The following GALNTL6 variants were observed in gnomAD, a reference collection of about 807,000 sequenced individuals.
GALNTL6 encodes the protein polypeptide N-acetylgalactosaminyltransferase-like 6.
Under a neutral mutation model 73.7 loss-of-function variants are expected in GALNTL6, and 46 were observed. The ratio of observed to expected loss-of-function variants is 0.62; its 90% CI spans 0.49 to 0.80. The LOEUF is 0.80. Ranked by LOEUF, GALNTL6 falls within the 30% of genes least tolerant of loss-of-function variation. The probability of loss-of-function intolerance (pLI) is 0.00; values close to 1 mark genes in which losing one functional copy is unlikely to be tolerated. For synonymous variants in GALNTL6, 259 were observed against 263.7 expected, an observed-to-expected ratio of 0.98 and a Z score of 0.17; for missense variants, 604 against 755.0, an observed-to-expected ratio of 0.80 and a Z score of 2.34.
intron 5 of GALNTL6, among the ~76,000 whole-genome samples, chr4:172,778,479 T>C (rs1372060994): frequency 2.0e-5 from 3 of 152,172 alleles, no homozygotes; most frequent in Admixed American, 2.0e-4. Flanking sequence ...GACTATAAAT[T>C]GTTTGCATTT....
At chr4:172,461,846 G>A (rs1426955265) in intron 5 of GALNTL6, among the ~76,000 whole-genome samples, 1 of 152,186 alleles carries the variant, frequency 6.6e-6, no homozygotes, top group Non-Finnish European at 1.5e-5. Flanking sequence ...GGGATGCCCA[G>A]ATAGCCAGTA....
chr4:171,960,011 C>CAGAG (rs1739174984), intron 2 of GALNTL6, among the ~76,000 whole-genome samples: 1 of 152,124 alleles, frequency 6.6e-6, no homozygotes. Flanking sequence ...ATTTAGTTGT[C>CAGAG]TAATCACTTC....
intron 5 of GALNTL6, among the ~76,000 whole-genome samples, chr4:172,588,991 C>T (rs1335780495): frequency 2.0e-5 from 3 of 152,136 alleles, no homozygotes; most frequent in Non-Finnish European, 2.9e-5. Context: ...TTTATGTGCT[C>T]AAATTAATTA....
chr4:172,612,166 C>A (rs959747050), intron 5 of GALNTL6, among the ~76,000 whole-genome samples: 10 of 151,954 alleles, frequency 6.6e-5, no homozygotes, highest in African/African-American at 2.4e-4. Flanking sequence ...GGGAAGATAG[C>A]AGGAAGAATT....
At chr4:172,945,632 G>A (rs971780780) in intron 9 of GALNTL6, among the ~76,000 whole-genome samples, 2 of 152,110 alleles carry the variant, frequency 1.3e-5, no homozygotes, top group Non-Finnish European at 2.9e-5. Flanking sequence ...TAAAATCAAA[G>A]AGAAAGCTAA....
At chr4:172,151,159 T>G (rs1334437252) in intron 2 of GALNTL6, among the ~76,000 whole-genome samples, 4 of 152,124 alleles carry the variant, frequency 2.6e-5, no homozygotes, top group Admixed American at 6.6e-5. Flanking sequence ...TGACATAGAT[T>G]GATAATGCAA....
In GALNTL6 at chr4:172,438,988, G is replaced by A. The variant is rs565941750; in HGVS notation, c.553+90299G>A. Among the ~76,000 whole-genome samples the A allele has an allele frequency of 3.0e-4, 46 of 152,022 alleles. No individual in the cohort carries two copies. The South Asian group carries it at 8.5e-3, about 28-fold the overall frequency. Reference sequence around the variant, plus strand: ...TATCCGTCCTTCTAACTAGGGCAAAGCCTTCCTCTTTACCTCTCGAGGACA... The same window carrying A: ...TATCCGTCCTTCTAACTAGGGCAAAACCTTCCTCTTTACCTCTCGAGGACA... On this transcript the variant is annotated intron_variant, in intron 5 of 12. Coordinates refer to ENST00000506823, the MANE Select transcript of GALNTL6 (RefSeq NM_001034845.3).
chr4:171,844,439 T>C (rs1309922068), intron 2 of GALNTL6, among the ~76,000 whole-genome samples: 2 of 152,218 alleles, frequency 1.3e-5, no homozygotes, highest in Admixed American at 1.3e-4. Flanking sequence ...TTTTGATGTC[T>C]GCCAAATTTC....
intron 5 of GALNTL6, among the ~76,000 whole-genome samples, chr4:172,407,871 G>A (rs917166815): frequency 9.2e-5 from 14 of 152,034 alleles, no homozygotes; most frequent in Non-Finnish European, 1.5e-4. Context: ...GCAGCGGGTA[G>A]CCTAAGAATA....
intron 2 of GALNTL6, among the ~76,000 whole-genome samples, chr4:172,125,299 G>A (rs1343004482): frequency 6.6e-6 from 1 of 152,090 alleles, no homozygotes; most frequent in Non-Finnish European, 1.5e-5. Context: ...ATAAATCTCA[G>A]GAAGAAATAT....
intron 2 of GALNTL6, among the ~76,000 whole-genome samples, chr4:171,863,655 T>TGGA (rs1735897062): frequency 6.6e-6 from 1 of 152,160 alleles, no homozygotes; most frequent in South Asian, 2.1e-4. Context: ...GAGCTGGATA[T>TGGA]TCATCATTAG....
intron 10 of GALNTL6, among the ~76,000 whole-genome samples, chr4:172,958,122 T>C (rs1579707676): frequency 6.6e-6 from 1 of 151,862 alleles, no homozygotes; most frequent in African/African-American, 2.4e-5. Context: ...GAGCAGAAAG[T>C]GTATGTGTCA....
intron 2 of GALNTL6, among the ~76,000 whole-genome samples, chr4:171,920,891 T>C (rs1737764839): frequency 6.6e-6 from 1 of 152,128 alleles, no homozygotes; most frequent in South Asian, 2.1e-4. Flanking sequence ...CTTGAATGAA[T>C]TCCAAAATAA....
chr4:172,688,749 T>C (rs1733083221), intron 5 of GALNTL6, among the ~76,000 whole-genome samples: 5 of 152,222 alleles, frequency 3.3e-5, no homozygotes, highest in Admixed American at 3.3e-4. Context: ...GGATGATTGG[T>C]ATACCATACT....
chr4:172,239,003 T>C (rs1737330528), intron 3 of GALNTL6, among the ~76,000 whole-genome samples: 1 of 152,124 alleles, frequency 6.6e-6, no homozygotes, highest in Non-Finnish European at 1.5e-5. Flanking sequence ...TTCAATTTGC[T>C]AGTATTTTAT....
rs747738443 is a variant in GALNTL6, at chr4:172,952,047, G to A, written c.1160G>A (p.Arg387Gln). ...SGTSLARNLK[R>Q]VAETWMDEFA... ...TTTCCTGCTGCACAGAACCTGAAGC[G>A]GGTAGCTGAGACCTGGATGGATGAA... Residue 387 changes from arginine to glutamine, a missense_variant, in exon 10 of 13, where the codon CGG becomes CAG. By Grantham distance (43) the Arg-to-Gln change is conservative. Coordinates refer to ENST00000506823, the MANE Select transcript of GALNTL6 (RefSeq NM_001034845.3). The A allele has an allele frequency of 4.3e-6, 7 of 1,613,622 alleles. No homozygotes were observed. Among genetic ancestry groups the A allele is most frequent in the East Asian group, 2.2e-5 (1 of 44,884 alleles).
intron 2 of GALNTL6, among the ~76,000 whole-genome samples, chr4:172,001,105 CGTT>C (rs1019718974): frequency 6.6e-5 from 10 of 152,098 alleles, no homozygotes; most frequent in Non-Finnish European, 1.3e-4. Flanking sequence ...TCATTGTAAT[CGTT>C]GTAATTAGTG....
At chr4:171,907,990 T>C (rs1316766792) in intron 2 of GALNTL6, among the ~76,000 whole-genome samples, 3 of 151,536 alleles carry the variant, frequency 2.0e-5, no homozygotes, top group East Asian at 3.9e-4. Context: ...ATACAAAAAT[T>C]AATTCAAGAT....
intron 2 of GALNTL6, among the ~76,000 whole-genome samples, chr4:172,192,713 C>G (rs1179543806): frequency 6.6e-6 from 1 of 152,190 alleles, no homozygotes; most frequent in Non-Finnish European, 1.5e-5. Context: ...CCACCAGGGC[C>G]TTGGGTTCCA....
Sources: allele counts gnomAD v4.1 joint callset (sites outside exome capture counted in the v4.1 genomes callset), GRCh38; gene constraint gnomAD v4.1.1; transcripts MANE v1.5; gene names NCBI Gene and HGNC (gene_info 2026-07-23, HGNC 2026-07-21).